Variants in EFCAB6 observed in about 807,000 individuals in gnomAD.
EFCAB6 encodes EF-hand calcium binding domain 6, also known as EF-hand calcium-binding domain-containing protein 6.
Under a neutral mutation model 169.8 loss-of-function variants are expected in EFCAB6, and 156 were observed. The observed-to-expected ratio is 0.92, with a 90% CI of 0.81 to 1.05. The LOEUF (loss-of-function observed/expected upper bound fraction) is 1.05. Among genes scored for constraint, EFCAB6 ranks in the 50% least tolerant of loss-of-function variants. The pLI is 0.00. For missense variants in EFCAB6, 1,800 were observed against 1,829.1 expected (o/e 0.98, Z 0.29); for synonymous variants, 698 against 676.4 (o/e 1.03, Z -0.50).
At chr22:43,670,659 T>C (rs914543006) in intron 15 of EFCAB6, among the ~76,000 whole-genome samples, 2 of 152,250 alleles carry the variant, frequency 1.3e-5, no homozygotes, top group South Asian at 2.1e-4. Context: ...TAAATATTCA[T>C]GTGGCTACGT....
chr22:43,768,560 C>A (rs2061384517), intron 4 of EFCAB6, among the ~76,000 whole-genome samples: 1 of 152,214 alleles, frequency 6.6e-6, no homozygotes, highest in Non-Finnish European at 1.5e-5. Flanking sequence ...TGACCTTGGC[C>A]TCCTGCAATG....
chr22:43,657,134 A>C (rs1419791751), intron 17 of EFCAB6, among the ~76,000 whole-genome samples: 2 of 152,088 alleles, frequency 1.3e-5, no homozygotes, highest in South Asian at 2.1e-4. Context: ...TACAAAAAAA[A>C]CCCCACAAAA....
At chr22:43,577,840 C>T (rs1023301958) in intron 25 of EFCAB6, among the ~76,000 whole-genome samples, 15 of 146,186 alleles carry the variant, frequency 1.0e-4, no homozygotes, top group Non-Finnish European at 2.0e-4. Flanking sequence ...CTCCGGAGCC[C>T]ACCTTGCTTC....
intron 20 of EFCAB6, 42 bp downstream of exon 20, chr22:43,626,405 G>A (rs778940957): frequency 6.3e-7 from 1 of 1,583,272 alleles, no homozygotes; most frequent in Non-Finnish European, 8.7e-7. Context: ...AGTGGCACGG[G>A]CCGGCATATA....
intron 3 of EFCAB6, 117 bp downstream of exon 3, chr22:43,782,063 A>T: frequency 9.5e-7 from 1 of 1,055,822 alleles, no homozygotes; most frequent in Non-Finnish European, 1.3e-6. Context: ...AGCCTAATTC[A>T]TAGAGTTATT....
chr22:43,748,147 A>G (rs1221086655), intron 6 of EFCAB6, among the ~76,000 whole-genome samples: 1 of 152,202 alleles, frequency 6.6e-6, no homozygotes, highest in Non-Finnish European at 1.5e-5. Flanking sequence ...GGTAACAGGT[A>G]CGCCTGACTC....
chr22:43,726,041 C>T (rs2059713018), intron 8 of EFCAB6, among the ~76,000 whole-genome samples: 1 of 152,060 alleles, frequency 6.6e-6, no homozygotes, highest in Non-Finnish European at 1.5e-5. Context: ...GCTGCAGAAA[C>T]AGGAATATAC....
At chr22:43,689,378 C>CACACACACACACAT (rs1030146132) in intron 10 of EFCAB6, among the ~76,000 whole-genome samples, 1 of 151,882 alleles carries the variant, frequency 6.6e-6, no homozygotes, top group Non-Finnish European at 1.5e-5. Flanking sequence ...CACACACACA[C>CACACACACACACAT]AGCAGCATCT....
intron 5 of EFCAB6, among the ~76,000 whole-genome samples, chr22:43,756,259 G>A (rs2060954262): frequency 6.6e-6 from 1 of 152,168 alleles, no homozygotes; most frequent in Non-Finnish European, 1.5e-5. Context: ...GGAAGTGGAG[G>A]CGCCAGCATC....
chr22:43,608,691 T>C (rs1435472973), intron 21 of EFCAB6, 91 bp from the exon 22 acceptor site: 3 of 1,213,968 alleles, frequency 2.5e-6, no homozygotes, highest in East Asian at 4.7e-5. Flanking sequence ...TGGGAAACTC[T>C]AAGGCATCTG....
chr22:43,642,395 C>CA (rs879489055), intron 17 of EFCAB6, among the ~76,000 whole-genome samples: 140 of 144,052 alleles, frequency 9.7e-4, no homozygotes, highest in African/African-American at 2.3e-3. Context: ...AAACAGGTAC[C>CA]AAAAAAAAAA....
chr22:43,631,006 T>C (rs976163109), intron 19 of EFCAB6, among the ~76,000 whole-genome samples: 2 of 152,080 alleles, frequency 1.3e-5, no homozygotes, highest in Admixed American at 1.3e-4. Context: ...TACACGGGCA[T>C]GTGGAAACGG....
chr22:43,753,348 C>A (rs371689314), intron 6 of EFCAB6, among the ~76,000 whole-genome samples: 1 of 152,166 alleles, frequency 6.6e-6, no homozygotes, highest in Non-Finnish European at 1.5e-5. Context: ...GTGAGGAATG[C>A]GCCAGGACTT....
rs1436771428 is a variant in EFCAB6, at chr22:43,667,193, T to C, written c.1894A>G (p.Ile632Val). 6 of 1,614,186 alleles carry C rather than the reference T, an allele frequency of 3.7e-6. No individual in the cohort carries two copies. Among genetic ancestry groups the C allele is most frequent in the South Asian group, 2.2e-5 (2 of 91,076 alleles). ...EEVIEKFKKC[I>V]QQQDPAFKKR... Reference sequence around the variant, plus strand: ...TTGAATGCCGGGTCCTGCTGCTGTATACACTTTTTGAATTTTTCAATCACT... The same window carrying C: ...TTGAATGCCGGGTCCTGCTGCTGTACACACTTTTTGAATTTTTCAATCACT... Residue 632 changes from isoleucine (I) to valine (V), a missense_variant, in exon 17 of 32, where the codon ATA becomes GTA. Coordinates refer to ENST00000262726, the MANE Select transcript of EFCAB6 (RefSeq NM_022785.4).
chr22:43,542,631 C>T (rs1303950736), intron 27 of EFCAB6, among the ~76,000 whole-genome samples: 1 of 152,156 alleles, frequency 6.6e-6, no homozygotes, highest in African/African-American at 2.4e-5. Context: ...CCACAGGATT[C>T]CTATTTTCAT....
In EFCAB6 at chr22:43,798,799, C is replaced by T. The variant is rs554619274; in HGVS notation, c.-8+10196G>A. Among the ~76,000 whole-genome samples, 641 of 152,318 alleles carry T rather than the reference C, an allele frequency of 4.2e-3. 2 individuals carry two copies. Among genetic ancestry groups the T allele is most frequent in the Middle Eastern group, 0.027 (8 of 294 alleles). Reference sequence around the variant, plus strand: ...TGTGGCCTCCTGCCTGGAGTCCTCTCTCTAATCAGTCAGCAAGTGATGTCA... The same window carrying T: ...TGTGGCCTCCTGCCTGGAGTCCTCTTTCTAATCAGTCAGCAAGTGATGTCA... On this transcript the variant is annotated intron_variant, in intron 2 of 31. Transcript: ENST00000262726.
At chr22:43,806,855 G>T (rs1025145181) in intron 2 of EFCAB6, among the ~76,000 whole-genome samples, 2 of 152,138 alleles carry the variant, frequency 1.3e-5, no homozygotes, top group Non-Finnish European at 2.9e-5. Flanking sequence ...AAGTCTTATA[G>T]GTGTGCTTTG....
At chr22:43,652,621 C>G (rs2056529273) in intron 17 of EFCAB6, among the ~76,000 whole-genome samples, 2 of 152,244 alleles carry the variant, frequency 1.3e-5, no homozygotes, top group Middle Eastern at 3.4e-3. Context: ...TTATGAGTCC[C>G]CACTCTATCT....
chr22:43,641,388 G>A (rs891053008), intron 17 of EFCAB6, among the ~76,000 whole-genome samples: 2 of 152,168 alleles, frequency 1.3e-5, no homozygotes, highest in Non-Finnish European at 2.9e-5. Flanking sequence ...GGCTGAGGCG[G>A]GTGGATTGCC....
Sources: allele counts gnomAD v4.1 joint callset (sites outside exome capture counted in the v4.1 genomes callset), GRCh38; gene constraint gnomAD v4.1.1; transcripts MANE v1.5; gene names NCBI Gene and HGNC (gene_info 2026-07-23, HGNC 2026-07-21).